Variants in DTD1 observed in about 807,000 individuals in gnomAD.
DTD1 encodes D-aminoacyl-tRNA deacylase 1, also known as D-tyrosyl-tRNA deacylase 1 homolog.
A neutral mutation model predicts 25.6 loss-of-function variants in DTD1; 13 were observed. That is an observed-to-expected ratio of 0.51 (90% CI 0.33 to 0.81). DTD1 has a LOEUF of 0.81. Ranked by LOEUF, DTD1 falls within the 30% of genes least tolerant of loss-of-function variation. The pLI is 0.02. For synonymous variants in DTD1, 110 were observed against 103.6 expected, an observed-to-expected ratio of 1.06 and a Z score of -0.37; for missense variants, 193 against 266.4, an observed-to-expected ratio of 0.72 and a Z score of 1.92.
At chr20:18,711,124 G>A (rs2061156843) in intron 4 of DTD1, among the ~76,000 whole-genome samples, 1 of 152,186 alleles carries the variant, frequency 6.6e-6, no homozygotes, top group South Asian at 2.1e-4. Flanking sequence ...GGAGTGGTGG[G>A]AGCAGGCGCT....
chr20:18,623,154 T>G (rs6081251), intron 3 of DTD1, among the ~76,000 whole-genome samples: 1 of 151,710 alleles, frequency 6.6e-6, no homozygotes, highest in African/African-American at 2.4e-5. Flanking sequence ...TTAGCCAGGA[T>G]GGTCTCGATC....
At chr20:18,757,413 A>C (rs1568691878) in intron 5 of DTD1, among the ~76,000 whole-genome samples, 1 of 152,178 alleles carries the variant, frequency 6.6e-6, no homozygotes, top group African/African-American at 2.4e-5. Context: ...TGGGTTTGTC[A>C]TAGATAGCTC....
chr20:18,689,261 G>C (rs2061032095), intron 4 of DTD1, among the ~76,000 whole-genome samples: 2 of 152,108 alleles, frequency 1.3e-5, no homozygotes, highest in Admixed American at 6.5e-5. Flanking sequence ...GGTGAAGAAT[G>C]GTGTGCTCTG....
chr20:18,694,734 CT>C (rs1157751637), intron 4 of DTD1, among the ~76,000 whole-genome samples: 1 of 151,990 alleles, frequency 6.6e-6, no homozygotes, highest in African/African-American at 2.4e-5. Flanking sequence ...CAGACTCCTA[CT>C]TTTTTTTATA....
intron 3 of DTD1, among the ~76,000 whole-genome samples, chr20:18,611,501 C>A (rs1329791189): frequency 6.6e-6 from 1 of 152,184 alleles, no homozygotes; most frequent in African/African-American, 2.4e-5. Context: ...TTTTTTCACT[C>A]CCTTCTCCTT....
intron 4 of DTD1, among the ~76,000 whole-genome samples, chr20:18,682,055 G>A (rs2060999610): frequency 6.6e-6 from 1 of 152,200 alleles, no homozygotes; most frequent in Non-Finnish European, 1.5e-5. Flanking sequence ...GGCGTTAACA[G>A]TACAGTGTTA....
chr20:18,649,021 C>CAAAAAAAAA (rs2060862261), intron 4 of DTD1, among the ~76,000 whole-genome samples: 5 of 102,626 alleles, frequency 4.9e-5, no homozygotes, highest in Non-Finnish European at 6.4e-5. Context: ...AAAAAAAAAG[C>CAAAAAAAAA]AAATTTAACT....
At chr20:18,617,488 C>A (rs1021617131) in intron 3 of DTD1, among the ~76,000 whole-genome samples, 1 of 151,798 alleles carries the variant, frequency 6.6e-6, no homozygotes, top group African/African-American at 2.4e-5. Context: ...TACACAGTAC[C>A]ATACTGTTTT....
At chr20:18,756,269 G>T (rs1248444110) in intron 5 of DTD1, among the ~76,000 whole-genome samples, 1 of 152,066 alleles carries the variant, frequency 6.6e-6, no homozygotes, top group Non-Finnish European at 1.5e-5. Flanking sequence ...AAGCTCTTTA[G>T]TTTAATTAGA....
intron 1 of DTD1, among the ~76,000 whole-genome samples, chr20:18,588,474 C>A (rs2060575258): frequency 6.6e-6 from 1 of 152,256 alleles, no homozygotes; most frequent in African/African-American, 2.4e-5. Flanking sequence ...TGATGAACCA[C>A]GCTTAGAGCA....
chr20:18,753,607 C>CAAAAAAAAA (rs58081760), intron 5 of DTD1, among the ~76,000 whole-genome samples: 1,891 of 65,066 alleles, frequency 0.029, 210 homozygotes, highest in African/African-American at 0.044. Flanking sequence ...AACTCTGTCT[C>CAAAAAAAAA]AAAAAAAAAA....
At chr20:18,746,487 C>T (rs1229234617) in intron 5 of DTD1, among the ~76,000 whole-genome samples, 1 of 151,778 alleles carries the variant, frequency 6.6e-6, no homozygotes, top group East Asian at 1.9e-4. Context: ...CACTCGAACC[C>T]AAGAGTTTGA....
At chr20:18,719,403 G>T (rs1004062416) in intron 4 of DTD1, among the ~76,000 whole-genome samples, 2 of 152,196 alleles carry the variant, frequency 1.3e-5, no homozygotes, top group African/African-American at 4.8e-5. Flanking sequence ...TTTTGTAGGT[G>T]AGTCCTTAAA....
chr20:18,607,038 CT>C (rs2060662456), intron 3 of DTD1, among the ~76,000 whole-genome samples: 1 of 151,866 alleles, frequency 6.6e-6, no homozygotes, highest in Non-Finnish European at 1.5e-5. Flanking sequence ...GATTTTTCTT[CT>C]TTAGCTTGAT....
chr20:18,598,537 G>A lies in DTD1; in HGVS notation c.370+2296G>A, dbSNP rs554329901. ...TTTTGAGATGGAGTCTTGCTCTGTT[G>A]CCCAGACTGGAGCACAGTGGCACAA... On this transcript the variant is annotated intron_variant, in intron 3 of 5. Coordinates refer to ENST00000377452, the MANE Select transcript of DTD1 (RefSeq NM_080820.6). Among the ~76,000 whole-genome samples, 9 of 150,908 alleles carry A rather than the reference G, an allele frequency of 6.0e-5. No homozygotes were observed. In the South Asian group the frequency reaches 1.9e-3, roughly 32 times the overall value.
chr20:18,609,643 T>G (rs2122274013), intron 3 of DTD1, among the ~76,000 whole-genome samples: 1 of 152,332 alleles, frequency 6.6e-6, no homozygotes, highest in East Asian at 1.9e-4. Context: ...TGGGTGATAT[T>G]CCTACTCCTC....
At chr20:18,759,243 G>A (rs1205080284) in intron 5 of DTD1, among the ~76,000 whole-genome samples, 1 of 152,098 alleles carries the variant, frequency 6.6e-6, no homozygotes, top group Non-Finnish European at 1.5e-5. Flanking sequence ...CACATTTAAC[G>A]TTAATATTGT....
rs1195057313 is a variant in DTD1 at position 18,669,698 on chromosome 20, GT to G, written c.477+41466del. The stretch of plus-strand genomic sequence containing the variant: ...GCAGATGACCCAGATTTTCCATTTT[GT>G]GTGTGTGTGACTGCTGAACTTGAGG... On this transcript the variant is annotated intron_variant, in intron 4 of 5. Transcript: ENST00000377452. Among the ~76,000 whole-genome samples, 90 of 152,050 alleles carry G rather than the reference GT, an allele frequency of 5.9e-4. 2 individuals carry two copies. The highest frequency in any genetic ancestry group is 5.9e-5 in the Non-Finnish European group (4 of 68,018).
chr20:18,726,170 G>T (rs1165225254), intron 4 of DTD1, among the ~76,000 whole-genome samples: 1 of 152,130 alleles, frequency 6.6e-6, no homozygotes, highest in Non-Finnish European at 1.5e-5. Flanking sequence ...AGTCGCCTCT[G>T]GCATAGTCAT....
Sources: allele counts gnomAD v4.1 joint callset (sites outside exome capture counted in the v4.1 genomes callset), GRCh38; gene constraint gnomAD v4.1.1; transcripts MANE v1.5; gene names NCBI Gene and HGNC (gene_info 2026-07-23, HGNC 2026-07-21).